EXOC6B: variants seen among roughly 807,000 people sequenced by gnomAD.
The protein encoded by EXOC6B is SEC15 homolog B.
EXOC6B carries 54 observed loss-of-function variants against 113.5 expected under a neutral mutation model. That is an observed-to-expected ratio of 0.48 (90% CI 0.38 to 0.60). The LOEUF is 0.60. EXOC6B is among the 20% of genes least tolerant of loss of function. The pLI is 0.00. For missense variants in EXOC6B, 797 were observed against 977.5 expected (o/e 0.82, Z 2.46); for synonymous variants, 357 against 339.0 (o/e 1.05, Z -0.58).
intron 20 of EXOC6B, among the ~76,000 whole-genome samples, chr2:72,218,327 C>A (rs889282191): frequency 3.9e-5 from 6 of 152,126 alleles, no homozygotes; most frequent in African/African-American, 1.4e-4. Context: ...TACAGTTTAG[C>A]ATTTATGCAT....
intron 17 of EXOC6B, among the ~76,000 whole-genome samples, chr2:72,474,470 T>A (rs879298456): frequency 6.6e-6 from 1 of 152,046 alleles, no homozygotes; most frequent in Non-Finnish European, 1.5e-5. Flanking sequence ...TTTAGTTGTT[T>A]TTTCTTTTAT....
At chr2:72,473,222 T>C (rs1308048502) in intron 17 of EXOC6B, among the ~76,000 whole-genome samples, 1 of 152,148 alleles carries the variant, frequency 6.6e-6, no homozygotes, top group Non-Finnish European at 1.5e-5. Flanking sequence ...TTAAAACAAA[T>C]GTTTCTTTTC....
intron 17 of EXOC6B, among the ~76,000 whole-genome samples, chr2:72,477,995 T>C (rs1354832985): frequency 6.6e-6 from 1 of 152,226 alleles, no homozygotes; most frequent in East Asian, 1.9e-4. Context: ...TTTTTGTTCA[T>C]GCCTGAAACT....
At chr2:72,506,775 G>T (rs966803285) in intron 11 of EXOC6B, among the ~76,000 whole-genome samples, 1 of 151,826 alleles carries the variant, frequency 6.6e-6, no homozygotes, top group Admixed American at 6.6e-5. Context: ...TGATATAATT[G>T]GTTTTCTTCA....
At chr2:72,526,433 G>C (rs558169901) in intron 8 of EXOC6B, among the ~76,000 whole-genome samples, 1 of 152,082 alleles carries the variant, frequency 6.6e-6, no homozygotes, top group Non-Finnish European at 1.5e-5. Context: ...TATAAACTGA[G>C]AGCTATACAT....
At chr2:72,721,071 GT>G (rs1422983707) in intron 5 of EXOC6B, among the ~76,000 whole-genome samples, 2 of 152,076 alleles carry the variant, frequency 1.3e-5, no homozygotes, top group Non-Finnish European at 2.9e-5. Flanking sequence ...GCTCATGCCT[GT>G]AATTCCAGCA....
chr2:72,184,102 G>A lies in EXOC6B; in HGVS notation c.2282C>T (p.Pro761Leu). The A allele has an allele frequency of 6.4e-7, 1 of 1,564,058 alleles. No individual in the cohort carries two copies. Among genetic ancestry groups the A allele is most frequent in the Admixed American group, 1.9e-5 (1 of 52,750 alleles). Residue 761 changes from proline to leucine, a missense_variant, in exon 21 of 22, where the codon CCA (proline) becomes CTA (leucine). Transcript: ENST00000272427. ...CTCAAGCAGGGTCAGAGCAGTCACT[G>A]GGTTTACCCGGAGGTACTTGCAGTT... ...QPNCKYLRVN[P>L]VTALTLLEKM...
intron 5 of EXOC6B, among the ~76,000 whole-genome samples, chr2:72,724,327 T>C (rs1680178477): frequency 6.6e-6 from 1 of 152,196 alleles, no homozygotes; most frequent in African/African-American, 2.4e-5. Flanking sequence ...ACTCCTGAGC[T>C]ATTCAGAGTA....
chr2:72,727,435 C>G (rs977407535), intron 5 of EXOC6B, among the ~76,000 whole-genome samples: 1 of 152,000 alleles, frequency 6.6e-6, no homozygotes, highest in Non-Finnish European at 1.5e-5. Context: ...GAAGACAGTT[C>G]CAGACTGAAA....
At chr2:72,704,231 G>A (rs1245168808) in intron 6 of EXOC6B, among the ~76,000 whole-genome samples, 1 of 149,590 alleles carries the variant, frequency 6.7e-6, no homozygotes, top group African/African-American at 2.5e-5. Flanking sequence ...ATGACTACTG[G>A]GTACATAACG....
chr2:72,269,658 C>A (rs368695797), intron 20 of EXOC6B, among the ~76,000 whole-genome samples: 2 of 152,204 alleles, frequency 1.3e-5, no homozygotes, highest in African/African-American at 4.8e-5. Flanking sequence ...AAAAAGGCAA[C>A]CTTTGACATC....
intron 16 of EXOC6B, among the ~76,000 whole-genome samples, chr2:72,481,407 G>A (rs1699084319): frequency 6.6e-6 from 1 of 152,178 alleles, no homozygotes; most frequent in Admixed American, 6.5e-5. Flanking sequence ...ACTAAGAACA[G>A]AAATTGCTAC....
intron 17 of EXOC6B, among the ~76,000 whole-genome samples, chr2:72,474,150 T>C (rs1698584013): frequency 6.6e-6 from 1 of 152,146 alleles, no homozygotes; most frequent in African/African-American, 2.4e-5. Context: ...TGATGATGAT[T>C]CCTTTATAGG....
At chr2:72,612,665 A>C (rs1671146504) in intron 6 of EXOC6B, among the ~76,000 whole-genome samples, 1 of 152,248 alleles carries the variant, frequency 6.6e-6, no homozygotes. Context: ...GCATCAGGTT[A>C]AAAGCTACAA....
intron 1 of EXOC6B, among the ~76,000 whole-genome samples, chr2:72,744,303 A>G (rs1681550167): frequency 6.6e-6 from 1 of 152,198 alleles, no homozygotes; most frequent in South Asian, 2.1e-4. Context: ...GATTCTGAAC[A>G]CTTACTTCAG....
At chr2:72,393,514 G>A (rs1157364106) in intron 18 of EXOC6B, among the ~76,000 whole-genome samples, 1 of 152,030 alleles carries the variant, frequency 6.6e-6, no homozygotes, top group South Asian at 2.1e-4. Flanking sequence ...TAGCAATAGT[G>A]TAATTTTATA....
intron 1 of EXOC6B, among the ~76,000 whole-genome samples, chr2:72,789,037 T>A (rs1202801887): frequency 6.6e-6 from 1 of 152,216 alleles, no homozygotes; most frequent in Non-Finnish European, 1.5e-5. Flanking sequence ...TGTGGTGCCA[T>A]GTTTGGCACC....
intron 18 of EXOC6B, among the ~76,000 whole-genome samples, chr2:72,429,901 G>C (rs140167345): frequency 2.9e-4 from 44 of 152,224 alleles, no homozygotes; most frequent in African/African-American, 9.4e-4. Context: ...GCATTCTGTG[G>C]GCATTTAACA....
chr2:72,674,574 G>A (rs1238458245), intron 6 of EXOC6B, among the ~76,000 whole-genome samples: 1 of 152,198 alleles, frequency 6.6e-6, no homozygotes, highest in Non-Finnish European at 1.5e-5. Context: ...GCTCACGCCT[G>A]TAATCCAAGC....
Sources: allele counts gnomAD v4.1 joint callset (sites outside exome capture counted in the v4.1 genomes callset), GRCh38; gene constraint gnomAD v4.1.1; transcripts MANE v1.5; gene names NCBI Gene and HGNC (gene_info 2026-07-23, HGNC 2026-07-21).